ZFHX3: variants seen among roughly 807,000 people sequenced by gnomAD.
ZFHX3 encodes zinc finger homeobox 3, also known as zinc finger homeobox protein 3.
Under a neutral mutation model 279.1 loss-of-function variants are expected in ZFHX3, and 42 were observed. The observed-to-expected ratio is 0.15, with a 90% CI of 0.12 to 0.19. The LOEUF (loss-of-function observed/expected upper bound fraction) is 0.19, where lower values mean the gene tolerates loss of function less well. Among genes scored for constraint, ZFHX3 ranks in the 10% least tolerant of loss-of-function variants. ZFHX3 has a pLI of 1.00. For synonymous variants in ZFHX3, 2,293 were observed against 1,957.8 expected (o/e 1.17, Z -4.52); for missense variants, 4,981 against 4,754.0 (o/e 1.05, Z -1.40).
intron 1 of ZFHX3, among the ~76,000 whole-genome samples, chr16:73,038,004 G>T (rs550626828): frequency 6.6e-6 from 1 of 152,294 alleles, no homozygotes; most frequent in African/African-American, 2.4e-5. Flanking sequence ...TTTAAGCCCA[G>T]TCAAACACAC....
At chr16:73,733,698 C>A (rs148042451) in intron 1 of ZFHX3, among the ~76,000 whole-genome samples, 1 of 152,014 alleles carries the variant, frequency 6.6e-6, no homozygotes, top group African/African-American at 2.4e-5. Context: ...ATTTTAGTTG[C>A]GTTTTGTTCA....
At chr16:73,229,871 A>G (rs1312271056) in intron 5 of ZFHX3, among the ~76,000 whole-genome samples, 1 of 152,236 alleles carries the variant, frequency 6.6e-6, no homozygotes, top group Non-Finnish European at 1.5e-5. Flanking sequence ...GAGAATGTGA[A>G]TCTAGGATTC....
At chr16:73,373,725 T>G (rs577048392) in intron 3 of ZFHX3, among the ~76,000 whole-genome samples, 1 of 152,180 alleles carries the variant, frequency 6.6e-6, no homozygotes, top group Non-Finnish European at 1.5e-5. Flanking sequence ...TCTGAACACA[T>G]CTTTGGTTCA....
chr16:73,073,865 C>CCAAATAAATAATTTA (rs2144758399), intron 8 of ZFHX3, among the ~76,000 whole-genome samples: 1 of 152,314 alleles, frequency 6.6e-6, no homozygotes, highest in East Asian at 1.9e-4. Flanking sequence ...ATTGTTGTGG[C>CCAAATAAATAATTTA]TTTTGATTCC....
intron 4 of ZFHX3, among the ~76,000 whole-genome samples, chr16:72,878,211 CAAAAA>C (rs926012241): frequency 6.6e-6 from 1 of 151,798 alleles, no homozygotes; most frequent in Non-Finnish European, 1.5e-5. Flanking sequence ...AACAAAAAAA[CAAAAA>C]AAACTCACCT....
rs57402211 is a variant in ZFHX3, at chr16:73,591,692, CAAAAAA to C, written c.-1547+88482_-1547+88487del. On this transcript the variant is annotated intron_variant, in intron 2 of 17. Coordinates refer to the ZFHX3 transcript ENST00000641206. The stretch of plus-strand genomic sequence containing the variant: ...TGGGCGACAGAGCGAGACTCTGTCT[CAAAAAA>C]AAAAAAAAAAAAAAAAAAAAGAAAA... 6.1e-3 allele frequency among the ~76,000 whole-genome samples: 203 copies of C among 33,420 alleles called. 3 individuals are homozygous for C. The highest frequency in any genetic ancestry group is 0.018 in the African/African-American group (189 of 10,420). The allele number at this position is 33,420 out of a possible 152,430, so 21.9% of individuals were successfully genotyped here. A position where few individuals can be genotyped will look rare whatever the true frequency, so the allele number is the denominator to read the frequency against.
At chr16:73,451,268 G>A (rs568920340) in intron 3 of ZFHX3, among the ~76,000 whole-genome samples, 1 of 152,314 alleles carries the variant, frequency 6.6e-6, no homozygotes, top group Non-Finnish European at 1.5e-5. Context: ...GTAAGTGGAA[G>A]GACACAGGCC....
At chr16:73,515,634 A>G (rs985202591) in intron 2 of ZFHX3, among the ~76,000 whole-genome samples, 5 of 152,186 alleles carry the variant, frequency 3.3e-5, no homozygotes, top group African/African-American at 1.2e-4. Context: ...AACAAATTCA[A>G]GAACCTACGG....
chr16:73,403,614 T>A (rs1344761298), intron 3 of ZFHX3, among the ~76,000 whole-genome samples: 5 of 152,184 alleles, frequency 3.3e-5, no homozygotes, highest in Non-Finnish European at 7.3e-5. Flanking sequence ...GCTGTGACAC[T>A]TCAAAAGTAC....
At chr16:72,791,297 C>T (rs2035689464) in intron 9 of ZFHX3, 1 of 152,232 alleles carries the variant, frequency 6.6e-6, no homozygotes, top group African/African-American at 2.4e-5. Flanking sequence ...TGTTCCTTCC[C>T]TCCCATTCCA....
intron 3 of ZFHX3, among the ~76,000 whole-genome samples, chr16:72,949,997 G>A (rs73592710): frequency 0.026 from 3,680 of 142,494 alleles, 77 homozygotes; most frequent in Middle Eastern, 0.091. Context: ...GGTACCCAGT[G>A]TACATATGTT....
At chr16:73,119,739 C>T (rs953768498) in intron 7 of ZFHX3, among the ~76,000 whole-genome samples, 2 of 152,156 alleles carry the variant, frequency 1.3e-5, no homozygotes, top group African/African-American at 2.4e-5. Context: ...GGCTGGAATG[C>T]AGTAGTGTGA....
At chr16:73,797,807 C>CTTTTTTT (rs35369374) in intron 1 of ZFHX3, among the ~76,000 whole-genome samples, 3 of 82,912 alleles carry the variant, frequency 3.6e-5, no homozygotes, top group Non-Finnish European at 6.7e-5. Flanking sequence ...CTTCTGAAGA[C>CTTTTTTT]TTTTTTTTTT....
chr16:73,665,112 A>G (rs1343040701), intron 2 of ZFHX3, among the ~76,000 whole-genome samples: 11 of 152,184 alleles, frequency 7.2e-5, no homozygotes, highest in Admixed American at 6.5e-5. Context: ...GGATGAATAC[A>G]AAAGTAAGTA....
intron 5 of ZFHX3, among the ~76,000 whole-genome samples, chr16:73,160,687 A>C (rs1039492163): frequency 1.3e-5 from 2 of 152,060 alleles, no homozygotes; most frequent in Non-Finnish European, 2.9e-5. Flanking sequence ...AAGAAAGAAA[A>C]GATATTTGGA....
At chr16:73,170,248 T>TTTTTTTTTTTTTTTTTTA (rs55817518) in intron 5 of ZFHX3, among the ~76,000 whole-genome samples, 1 of 142,486 alleles carries the variant, frequency 7.0e-6, no homozygotes, top group Admixed American at 6.9e-5. Context: ...TTTTTTTTTT[T>TTTTTTTTTTTTTTTTTTA]GAGACATAGC....
chr16:73,532,764 CAT>C (rs2019829830), intron 2 of ZFHX3, among the ~76,000 whole-genome samples: 1 of 152,188 alleles, frequency 6.6e-6, no homozygotes, highest in African/African-American at 2.4e-5. Flanking sequence ...ATAATCTTCA[CAT>C]GTCAAGGGTG....
intron 1 of ZFHX3, among the ~76,000 whole-genome samples, chr16:72,993,554 C>T (rs1963170859): frequency 1.3e-5 from 2 of 152,170 alleles, no homozygotes; most frequent in Non-Finnish European, 2.9e-5. Flanking sequence ...CGAAAAGAAT[C>T]ATCCCTCCTC....
rs1283557059 is a variant in ZFHX3, at chr16:72,959,899, C to T, written c.247G>A (p.Glu83Lys). Reference protein sequence around the residue: ...EPASKEVTCNECSASFASLQT... With the variant: ...EPASKEVTCNKCSASFASLQT... ...AGGCTGGCAAAGGAGGCCGAACATT[C>T]GTTGCAGGTGACCTCCTTGCTGGCG... is the stretch of plus-strand genomic sequence containing the variant. Residue 83 changes from glutamate (E) to lysine (K), a missense_variant, in exon 2 of 10, where the codon GAA (glutamate) becomes AAA (lysine). Transcript: ENST00000268489. 11 of 1,602,896 alleles carry T rather than the reference C, an allele frequency of 6.9e-6. No individual in the cohort carries two copies. Among genetic ancestry groups the T allele is most frequent in the East Asian group, 2.2e-5 (1 of 44,608 alleles).
Sources: gnomAD v4.1 joint callset for allele counts (sites outside exome capture counted in the v4.1 genomes callset) on GRCh38, gnomAD v4.1.1 for gene constraint, MANE v1.5 for transcripts, NCBI Gene and HGNC (gene_info 2026-07-23, HGNC 2026-07-21) for gene names.